Variants in PCDHA6 observed in about 807,000 individuals in gnomAD.
PCDHA6 encodes protocadherin alpha-6.
In PCDHA6, 55 loss-of-function variants were observed where a neutral mutation model predicts 60.3. The ratio of observed to expected loss-of-function variants is 0.91; its 90% CI spans 0.73 to 1.14. The LOEUF is 1.14. PCDHA6 is among the 50% of genes most tolerant of loss of function. The probability of loss-of-function intolerance (pLI) is 0.00; values close to 1 mark genes in which losing one functional copy is unlikely to be tolerated. For synonymous variants in PCDHA6, 652 were observed against 557.9 expected, an observed-to-expected ratio of 1.17 and a Z score of -2.38; for missense variants, 1,327 against 1,256.5, an observed-to-expected ratio of 1.06 and a Z score of -0.85.
chr5:140,836,541 G>A (rs2150263508), intron 1 of PCDHA6: 2 of 1,613,818 alleles, frequency 1.2e-6, no homozygotes, highest in Non-Finnish European at 1.7e-6. Context: ...GCTGTACACG[G>A]CGTTGCGGTG....
In PCDHA6 at chr5:140,992,699, T is replaced by A. The variant is rs149489820; in HGVS notation, c.2542+10136T>A. Among the ~76,000 whole-genome samples the A allele has an allele frequency of 7.6e-3, 1,153 of 152,282 alleles. 6 individuals carry two copies. The highest frequency in any genetic ancestry group is 0.014 in the Middle Eastern group (4 of 294). On this transcript the variant is annotated intron_variant, in intron 3 of 3. Transcript: ENST00000529310. ...GTGTTAGGGGTTGAGGGGTGGGTAA[T>A]GTTCCTGCCAGTATTCGTAAATCCC...
Position 140,846,464 on chromosome 5 carries a change from T to G in PCDHA6, c.2394+15979T>G, listed in dbSNP as rs2150391195. Among the ~76,000 whole-genome samples, 4 of 138,432 alleles carry G rather than the reference T, an allele frequency of 2.9e-5. No homozygotes were observed. In the South Asian group the frequency reaches 1.0e-3, roughly 35 times the overall value. The allele number at this position is 138,432 out of a possible 152,430, so 90.8% of individuals were successfully genotyped here. On this transcript the variant is annotated intron_variant, in intron 1 of 3. Transcript: ENST00000529310. ...ATCTCGGCTCACTGCAACCTCTGCC[T>G]CCCGGGTTCAAATGATTCTCCTTCC...
intron 1 of PCDHA6, among the ~76,000 whole-genome samples, chr5:140,958,063 A>G (rs2095406851): frequency 6.6e-6 from 1 of 152,118 alleles, no homozygotes; most frequent in Non-Finnish European, 1.5e-5. Flanking sequence ...GAGAGAAAAA[A>G]CACAGAAGCA....
At chr5:140,841,748 T>C in intron 1 of PCDHA6, 6 of 1,613,846 alleles carry the variant, frequency 3.7e-6, no homozygotes, top group Non-Finnish European at 5.1e-6. Flanking sequence ...GCTGTTTGTT[T>C]CAGAATCCAG....
Position 140,922,465 on chromosome 5 carries a change from T to C in PCDHA6, c.2395-56484T>C, listed in dbSNP as rs116670359. ...CATTATCCTATTTGTCAACACAAAA[T>C]AGGAGAGAAGGCAGGACTAAATCTG... On this transcript the variant is annotated intron_variant, in intron 1 of 3. Transcript: ENST00000529310. Among the ~76,000 whole-genome samples the C allele has an allele frequency of 8.9e-3, 1,361 of 152,304 alleles. 16 individuals carry two copies. Among genetic ancestry groups the C allele is most frequent in the African/African-American group, 0.031 (1,303 of 41,562 alleles).
intron 2 of PCDHA6, 71 bp downstream of exon 2, chr5:140,979,078 A>C (rs2240296): frequency 3.8e-6 from 6 of 1,583,342 alleles, no homozygotes; most frequent in South Asian, 1.1e-5. Flanking sequence ...CTGCATCTCC[A>C]TAGGCCAGAA....
intron 1 of PCDHA6, among the ~76,000 whole-genome samples, chr5:140,874,106 T>C (rs1554167018): frequency 1.3e-5 from 2 of 152,266 alleles, no homozygotes; most frequent in African/African-American, 4.8e-5. Flanking sequence ...TTTTAATTAC[T>C]TAACGTTTTA....
chr5:140,993,462 TCACACACACACACACA>T (rs3836747), intron 3 of PCDHA6, among the ~76,000 whole-genome samples: 191 of 141,044 alleles, frequency 1.4e-3, no homozygotes, highest in African/African-American at 3.8e-3. Context: ...TCTTTCTTTC[TCACACACACACACACA>T]CACACACACA....
intron 1 of PCDHA6, chr5:140,865,754 C>T (rs1554159601): frequency 6.6e-6 from 1 of 152,144 alleles, no homozygotes; most frequent in East Asian, 1.9e-4. Context: ...AGTGCCAGTA[C>T]ATGGTGGAGA....
Position 140,828,819 on chromosome 5 carries a change from A to T in PCDHA6, c.728A>T (p.Glu243Val). 1.2e-6 allele frequency: 2 copies of T among 1,614,224 alleles called. No homozygotes were observed. Among genetic ancestry groups the T allele is most frequent in the Middle Eastern group, 3.3e-4 (2 of 6,062 alleles). The change falls in exon 1 of 4, where the codon GAA (glutamate) becomes GTA (valine). Residue 243 changes from glutamate (E) to valine (V), a missense_variant. Glu to Val is a moderately radical substitution (Grantham distance 121). Transcript: ENST00000529310. ...LDVNDNAPTF[E>V]QSEYEVRIFE... ...GTGAATGATAATGCTCCCACTTTCG[A>T]ACAGTCTGAATACGAAGTAAGAATA... is the stretch of plus-strand genomic sequence containing the variant.
At chr5:140,883,538 G>A (rs782240531) in intron 1 of PCDHA6, 1 of 1,614,230 alleles carries the variant, frequency 6.2e-7, no homozygotes, top group Admixed American at 1.7e-5. Flanking sequence ...CTATGAACTG[G>A]TGGTGACCGC....
chr5:140,927,826 G>A (rs782694866), intron 1 of PCDHA6: 1 of 1,614,194 alleles, frequency 6.2e-7, no homozygotes, highest in Middle Eastern at 1.6e-4. Context: ...ATACATTGAG[G>A]CGAGGGACGA....
chr5:140,876,795 G>A (rs782560755), intron 1 of PCDHA6: 97 of 1,614,108 alleles, frequency 6.0e-5, no homozygotes, highest in Non-Finnish European at 7.5e-5. Context: ...CGGCTAGAGT[G>A]TCCGTGGAGG....
At chr5:140,971,843 G>A (rs1250084892) in intron 1 of PCDHA6, among the ~76,000 whole-genome samples, 2 of 151,906 alleles carry the variant, frequency 1.3e-5, no homozygotes, top group African/African-American at 4.8e-5. Flanking sequence ...TGCAAGTCAT[G>A]CGTTAAATAT....
chr5:140,936,868 A>T (rs543976186), intron 1 of PCDHA6, among the ~76,000 whole-genome samples: 3 of 152,270 alleles, frequency 2.0e-5, no homozygotes, highest in South Asian at 2.1e-4. Flanking sequence ...TTTCTATTTT[A>T]AAAAACCCTG....
intron 1 of PCDHA6, among the ~76,000 whole-genome samples, chr5:140,978,596 C>T (rs2096811689): frequency 6.6e-6 from 1 of 152,204 alleles, no homozygotes; most frequent in African/African-American, 2.4e-5. Context: ...CTTAATGGGG[C>T]ACTTGAGGGC....
At chr5:140,957,107 G>A in intron 1 of PCDHA6, among the ~76,000 whole-genome samples, 1 of 152,092 alleles carries the variant, frequency 6.6e-6, no homozygotes, top group East Asian at 1.9e-4. Context: ...CTATGGACAT[G>A]ATTCTGTGTG....
At position 140,969,430 on chromosome 5, in the gene PCDHA6, A is replaced by T. The variant is rs1554231789; in HGVS notation, c.2395-9519A>T. 4 of 1,554,706 alleles carry T rather than the reference A, an allele frequency of 2.6e-6. No homozygotes were observed. The Admixed American group carries it at 7.8e-5, about 30-fold the overall frequency. ...CTTTATTGAGTCATTAACAGTGACA[A>T]GAGTTATCTGGTAAACTGAGTATAT... On this transcript the variant is annotated intron_variant, in intron 1 of 3. Transcript: ENST00000529310.
chr5:140,969,140 T>G, intron 1 of PCDHA6: 1 of 1,613,980 alleles, frequency 6.2e-7, no homozygotes, highest in Non-Finnish European at 8.5e-7. Flanking sequence ...CAAGACCTAC[T>G]GCTACAAGGC....
Sources: allele counts gnomAD v4.1 joint callset (sites outside exome capture counted in the v4.1 genomes callset), GRCh38; gene constraint gnomAD v4.1.1; transcripts MANE v1.5; gene names NCBI Gene and HGNC (gene_info 2026-07-23, HGNC 2026-07-21).